Variants in MICAL3 observed in about 807,000 individuals in gnomAD.
MICAL3 encodes the protein [F-actin]-monooxygenase MICAL3.
In MICAL3, 62 loss-of-function variants were observed where a neutral mutation model predicts 207.4. That is an observed-to-expected ratio of 0.30 (90% CI 0.24 to 0.37). MICAL3 has a LOEUF of 0.37. MICAL3 is among the 10% of genes least tolerant of loss of function. The pLI is 1.00. For missense variants in MICAL3, 2,368 were observed against 2,635.6 expected, an observed-to-expected ratio of 0.90 and a Z score of 2.22; for synonymous variants, 1,077 against 1,069.3, an observed-to-expected ratio of 1.01 and a Z score of -0.14.
intron 29 of MICAL3, among the ~76,000 whole-genome samples, chr22:17,806,132 C>T (rs778165751): frequency 1.6e-4 from 24 of 152,318 alleles, no homozygotes; most frequent in East Asian, 1.9e-4. Flanking sequence ...GATCAAGTTT[C>T]CGCCTCTCTC....
chr22:17,866,771 C>T (rs1421357774), intron 17 of MICAL3, among the ~76,000 whole-genome samples: 1 of 152,236 alleles, frequency 6.6e-6, no homozygotes, highest in Non-Finnish European at 1.5e-5. Flanking sequence ...ATGTAACGTG[C>T]ATCCCCGTGG....
intron 24 of MICAL3, among the ~76,000 whole-genome samples, chr22:17,821,711 C>A (rs1425397384): frequency 6.6e-6 from 1 of 152,246 alleles, no homozygotes; most frequent in Non-Finnish European, 1.5e-5. Context: ...GCACTCTCTG[C>A]AGGTGCTCCT....
intron 26 of MICAL3, 85 bp downstream of exon 26, chr22:17,817,226 G>A: frequency 6.9e-7 from 1 of 1,440,896 alleles, no homozygotes; most frequent in Non-Finnish European, 9.2e-7. Context: ...GAGCGTGTGA[G>A]TGTGGATCCT....
At chr22:17,958,974 G>A (rs1379705834) in intron 1 of MICAL3, among the ~76,000 whole-genome samples, 1 of 150,278 alleles carries the variant, frequency 6.7e-6, no homozygotes, top group African/African-American at 2.5e-5. Context: ...GCAAAGTGCT[G>A]GGATTACAGG....
intron 25 of MICAL3, among the ~76,000 whole-genome samples, chr22:17,820,495 C>T (rs1040192622): frequency 3.9e-5 from 6 of 152,194 alleles, no homozygotes; most frequent in Admixed American, 1.3e-4. Flanking sequence ...GCTGGGACTA[C>T]AGGCGCCCGC....
At position 17,998,717 on chromosome 22, in the gene MICAL3, C is replaced by T. The variant is rs577281548; in HGVS notation, c.-75+25564G>A. On this transcript the variant is annotated intron_variant, in intron 1 of 31. Coordinates refer to ENST00000441493, the MANE Select transcript of MICAL3 (RefSeq NM_015241.3). ...CTGGGATTACAGGCGCGCACCACCA[C>T]GCCCAGCTGGTATTTTTAGTACAAA... 1.5e-3 allele frequency among the ~76,000 whole-genome samples: 233 copies of T among 152,112 alleles called. 3 individuals are homozygous for T. Among genetic ancestry groups the T allele is most frequent in the African/African-American group, 5.3e-3 (219 of 41,496 alleles).
At chr22:18,007,318 T>A (rs1331941266) in intron 1 of MICAL3, 1 of 152,210 alleles carries the variant, frequency 6.6e-6, no homozygotes, top group African/African-American at 2.4e-5. Context: ...TATATCTTCT[T>A]TTTCTGTATT....
At chr22:17,906,165 A>C (rs559396014) in intron 2 of MICAL3, among the ~76,000 whole-genome samples, 3 of 152,348 alleles carry the variant, frequency 2.0e-5, no homozygotes, top group Middle Eastern at 3.4e-3. Flanking sequence ...TTCCCATGCC[A>C]CTTGACTTTG....
chr22:17,881,697 G>A (rs1472359498), intron 16 of MICAL3, among the ~76,000 whole-genome samples: 4 of 152,318 alleles, frequency 2.6e-5, no homozygotes, highest in African/African-American at 7.2e-5. Context: ...CCAATGAAGC[G>A]AAGCAGCAGC....
Position 17,906,796 on chromosome 22 carries a change from T to C in MICAL3, c.17A>G (p.His6Arg). 6.2e-7 allele frequency: 1 copy of C among 1,607,968 alleles called. No homozygotes were observed. Among genetic ancestry groups the C allele is most frequent in the Non-Finnish European group, 8.5e-7 (1 of 1,176,128 alleles). MEERK[H>R]ETMNPAHVLF... The stretch of plus-strand genomic sequence containing the variant: ...GACATGAGCTGGGTTCATGGTCTCA[T>C]GCTTCCTCTCCTCCATGCTGCCTCA... The change falls in exon 2 of 32, where the codon CAT becomes CGT. Residue 6 changes from histidine (H) to arginine (R), a missense_variant. This residue lies in a region of MICAL3 where 400 missense variants were observed against 547.0 expected (regional missense o/e 0.73). Coordinates refer to ENST00000441493, the MANE Select transcript of MICAL3 (RefSeq NM_015241.3).
chr22:17,936,212 G>A (rs918455556), intron 1 of MICAL3, among the ~76,000 whole-genome samples: 2 of 152,208 alleles, frequency 1.3e-5, no homozygotes, highest in Non-Finnish European at 2.9e-5. Context: ...TTAAGAAAAT[G>A]TGGCACACAT....
intron 6 of MICAL3, among the ~76,000 whole-genome samples, chr22:17,899,801 C>T (rs575760581): frequency 2.4e-4 from 36 of 151,752 alleles, no homozygotes; most frequent in African/African-American, 7.7e-4. Context: ...ACTGTTTTTA[C>T]GGGAATAAAA....
chr22:17,887,549 T>C (rs1382680404), intron 13 of MICAL3, 114 bp from the exon 14 acceptor site: 2 of 639,466 alleles, frequency 3.1e-6, no homozygotes, highest in Non-Finnish European at 5.5e-6. Context: ...GCTCTAAAGG[T>C]TCACCAGCTC....
At chr22:17,918,945 T>C (rs1054168926) in intron 1 of MICAL3, among the ~76,000 whole-genome samples, 6 of 152,202 alleles carry the variant, frequency 3.9e-5, no homozygotes, top group Admixed American at 6.5e-5. Flanking sequence ...CTGACACATA[T>C]ATTCAAATGC....
chr22:17,846,737 CT>C (rs2146087491), intron 19 of MICAL3, among the ~76,000 whole-genome samples: 1 of 152,344 alleles, frequency 6.6e-6, no homozygotes, highest in South Asian at 2.1e-4. Flanking sequence ...CCAACAGGGA[CT>C]TTCCAGCTTA....
chr22:17,882,813 C>T (rs1929558035), intron 16 of MICAL3, among the ~76,000 whole-genome samples: 1 of 152,228 alleles, frequency 6.6e-6, no homozygotes, highest in Non-Finnish European at 1.5e-5. Flanking sequence ...CAGTGCCCAT[C>T]CCACAGAACC....
chr22:18,014,215 C>T (rs553253049), intron 1 of MICAL3, among the ~76,000 whole-genome samples: 2 of 152,064 alleles, frequency 1.3e-5, no homozygotes, highest in African/African-American at 4.8e-5. Context: ...GCACAGGGTG[C>T]GCATAATACA....
chr22:17,836,391 G>C (rs1470072949), intron 20 of MICAL3, among the ~76,000 whole-genome samples: 1 of 152,174 alleles, frequency 6.6e-6, no homozygotes, highest in East Asian at 1.9e-4. Flanking sequence ...AAGGAAGTTG[G>C]GTCATTTGCA....
intron 16 of MICAL3, among the ~76,000 whole-genome samples, chr22:17,883,148 A>G (rs1602140888): frequency 1.3e-5 from 2 of 152,202 alleles, no homozygotes; most frequent in Non-Finnish European, 1.5e-5. Context: ...CTTTCAAATC[A>G]TATCTTCCAC....
Sources: gnomAD v4.1 joint callset for allele counts (sites outside exome capture counted in the v4.1 genomes callset) on GRCh38, gnomAD v4.1.1 for gene constraint, gnomAD v4.1.1 regional missense constraint, MANE v1.5 for transcripts, NCBI Gene and HGNC (gene_info 2026-07-23, HGNC 2026-07-21) for gene names.